Variants in MAD2L1BP observed in about 807,000 individuals in gnomAD.
MAD2L1BP encodes the protein MAD2L1 binding protein.
A neutral mutation model predicts 28.4 loss-of-function variants in MAD2L1BP; 22 were observed. The observed-to-expected ratio is 0.77, with a 90% CI of 0.55 to 1.10. The LOEUF (loss-of-function observed/expected upper bound fraction) is 1.10. Ranked by LOEUF, MAD2L1BP falls within the 50% of genes least tolerant of loss-of-function variation. The pLI, the probability that MAD2L1BP is intolerant of heterozygous loss-of-function variation, is 0.00. For synonymous variants in MAD2L1BP, 146 were observed against 133.7 expected (o/e 1.09, Z -0.63); for missense variants, 325 against 350.5 (o/e 0.93, Z 0.58).
At chr6:43,629,736 C>CA in exon 1 of MAD2L1BP, 1 of 1,552,704 alleles carries the variant, frequency 6.4e-7, no homozygotes, top group Non-Finnish European at 8.7e-7. Flanking sequence ...GCCTCTGCCT[C>CA]AGTTTCTTCC....
Position 43,636,415 on chromosome 6 carries a change from C to A in MAD2L1BP, c.81C>A (p.His27Gln). ...LEWYEKSEET[H>Q]ASQIELLETS... ...GGTATGAGAAGTCCGAAGAAACTCACGCCTCCCAGATAGAACTACTTGAGA... is the reference window on the plus strand; with the variant it reads ...GGTATGAGAAGTCCGAAGAAACTCAAGCCTCCCAGATAGAACTACTTGAGA... The change falls in exon 2 of 3, where the codon CAC becomes CAA. Residue 27 changes from histidine (H) to glutamine (Q), a missense_variant. Transcript: ENST00000372171. 1 of 1,614,132 alleles carries A rather than the reference C, an allele frequency of 6.2e-7. No individual in the cohort carries two copies. The highest frequency in any genetic ancestry group is 1.1e-5 in the South Asian group (1 of 91,088).
rs1770185704 is a variant in MAD2L1BP, at chr6:43,635,904, C to T, written c.29C>T (p.Ser10Phe). The T allele has an allele frequency of 2.0e-6, 3 of 1,497,654 alleles. No homozygotes were observed. The highest frequency in any genetic ancestry group is 1.8e-6 in the Non-Finnish European group (2 of 1,129,658). The allele number at this position is 1,497,654 out of a possible 1,614,324, so 92.8% of individuals were successfully genotyped here. The change falls in exon 1 of 3, where the codon TCC becomes TTC. Residue 10 changes from serine to phenylalanine, a missense_variant. By Grantham distance (155) the Ser-to-Phe change is radical. Coordinates refer to ENST00000372171, the MANE Select transcript of MAD2L1BP (RefSeq NM_014628.3). ...GCGGCGCCGGAGGCGGAGGTTCTGT[C>T]CTCAGCCGCAGTCCCTGGTAAGGCG... The part of the protein sequence containing the change: MAAPEAEVL[S>F]SAAVPDLEWY...
At chr6:43,635,978 C>A in intron 1 of MAD2L1BP, 57 bp downstream of exon 1, 1 of 1,485,470 alleles carries the variant, frequency 6.7e-7, no homozygotes, top group Non-Finnish European at 9.1e-7. Context: ...TTCCCTACCG[C>A]CGCGCCATCC....
intron 2 of MAD2L1BP, 199 bp downstream of exon 2, chr6:43,636,845 C>T (rs1770254261): frequency 3.2e-6 from 2 of 624,174 alleles, no homozygotes; most frequent in Non-Finnish European, 5.5e-6. Context: ...TTCTGAAACT[C>T]ACGTGTTGCA....
Position 43,640,072 on chromosome 6 carries a change from A to G in MAD2L1BP, c.364A>G (p.Arg122Gly). Residue 122 changes from arginine (R) to glycine (G), a missense_variant, in exon 3 of 3, where the codon AGG becomes GGG. Physicochemically the swap from Arg to Gly is moderately radical, Grantham distance 125 (BLOSUM62 -2). Transcript: ENST00000372171. ...TCGGGCCACCACTGAGGTGAGCAGC[A>G]GGAAATGCCAACAAGCCCTGGCAGA... ...KPRATTEVSSRKCQQALAELE... is the reference protein window; with the variant it reads ...KPRATTEVSSGKCQQALAELE... 2 of 1,578,804 alleles carry G rather than the reference A, an allele frequency of 1.3e-6. No individual in the cohort carries two copies. Among genetic ancestry groups the G allele is most frequent in the Non-Finnish European group, 1.7e-6 (2 of 1,158,178 alleles).
At chr6:43,639,419 G>T (rs554057401) in intron 2 of MAD2L1BP, among the ~76,000 whole-genome samples, 66 of 152,224 alleles carry the variant, frequency 4.3e-4, no homozygotes, top group African/African-American at 1.4e-3. Flanking sequence ...GATTACAGGC[G>T]TAAGCCACTG....
chr6:43,636,366 C>T lies in MAD2L1BP; in HGVS notation c.47-15C>T. On this transcript the variant is annotated splice_polypyrimidine_tract_variant and intron_variant, in intron 1 of 2. Transcript: ENST00000372171. ...TTTTTAATTTTTCTCTCTTGTCCCT[C>T]TTTTCATCTACCAGATTTGGAGTGG... The T allele has an allele frequency of 2.5e-6, 4 of 1,612,954 alleles. No homozygotes were observed. Among genetic ancestry groups the T allele is most frequent in the Non-Finnish European group, 3.4e-6 (4 of 1,179,296 alleles).
At chr6:43,629,612 C>G in exon 1 of MAD2L1BP, 1 of 876,460 alleles carries the variant, frequency 1.1e-6, no homozygotes, top group Non-Finnish European at 1.9e-6. Flanking sequence ...ACATCAGAAT[C>G]GAGCTTTGTG....
At chr6:43,634,390 TAA>T (rs1213553980), upstream of MAD2L1BP, among the ~76,000 whole-genome samples, 2 of 151,378 alleles carry the variant, frequency 1.3e-5, no homozygotes, top group African/African-American at 4.8e-5. Context: ...TGGCTAACTT[TAA>T]AAAAAAATTT....
At position 43,640,369 on chromosome 6, in the gene MAD2L1BP, T is replaced by C; in HGVS notation, c.661T>C (p.Cys221Arg). Residue 221 changes from cysteine (C) to arginine (R), a missense_variant, in exon 3 of 3, where the codon TGT becomes CGT. Coordinates refer to ENST00000372171, the MANE Select transcript of MAD2L1BP (RefSeq NM_014628.3). ...TVVMAQGHRN[C>R]GEDWFRPKLN... ...CGTCATGGCACAGGGACACCGCAACTGTGGAGAAGATTGGTTTCGACCCAA... is the reference window on the plus strand; with the variant it reads ...CGTCATGGCACAGGGACACCGCAACCGTGGAGAAGATTGGTTTCGACCCAA... 6.2e-7 allele frequency: 1 copy of C among 1,613,930 alleles called. No homozygotes were observed. The highest frequency in any genetic ancestry group is 8.5e-7 in the Non-Finnish European group (1 of 1,179,990).
chr6:43,635,836 C>A (rs1306122003), upstream of MAD2L1BP: 3 of 1,461,032 alleles, frequency 2.1e-6, no homozygotes, highest in Non-Finnish European at 2.7e-6. Flanking sequence ...CCCGCGAGAC[C>A]TTTATTCTAA....
rs1333664242 is a variant in MAD2L1BP, at chr6:43,640,521, CT to C, written c.815del (p.Phe272SerfsTer5). 1 of 1,582,572 alleles carries C rather than the reference CT, an allele frequency of 6.3e-7. No homozygotes were observed. Among genetic ancestry groups the C allele is most frequent in the South Asian group, 1.1e-5 (1 of 87,216 alleles). Reference sequence around the variant, plus strand: ...TCCAGGCACCAGTGACATTTAAAGGCTTCCGCGAGTGAATGAGTGCTTCTTA... The same window carrying C: ...TCCAGGCACCAGTGACATTTAAAGGCTCCGCGAGTGAATGAGTGCTTCTTA... ...WFQAPVTFKG[F>X]RE On this transcript the variant is annotated frameshift_variant, in exon 3 of 3. Coordinates refer to ENST00000372171, the MANE Select transcript of MAD2L1BP (RefSeq NM_014628.3). LOFTEE classifies it high-confidence loss of function.
chr6:43,636,723 T>C, intron 2 of MAD2L1BP, 77 bp downstream of exon 2: 1 of 1,515,330 alleles, frequency 6.6e-7, no homozygotes, highest in Non-Finnish European at 9.0e-7. Context: ...AAAGGGGGTC[T>C]AAGAAATCTT....
chr6:43,638,578 C>T (rs1304486564), intron 2 of MAD2L1BP, among the ~76,000 whole-genome samples: 7 of 151,368 alleles, frequency 4.6e-5, no homozygotes, highest in African/African-American at 9.7e-5. Context: ...AGGCGAATCA[C>T]GAGGTCAGGA....
intron 2 of MAD2L1BP, among the ~76,000 whole-genome samples, chr6:43,637,896 G>T (rs1031312457): frequency 6.7e-6 from 1 of 149,402 alleles, no homozygotes; most frequent in African/African-American, 2.5e-5. Flanking sequence ...ACCGTGCTCC[G>T]CCTGTTTGTT....
Position 43,640,372 on chromosome 6 carries a change from G to A in MAD2L1BP, c.664G>A (p.Gly222Arg). Residue 222 changes from glycine (G) to arginine (R), a missense_variant, in exon 3 of 3, where the codon GGA becomes AGA. Transcript: ENST00000372171. ...VVMAQGHRNC[G>R]EDWFRPKLNY... Reference sequence around the variant, plus strand: ...CATGGCACAGGGACACCGCAACTGTGGAGAAGATTGGTTTCGACCCAAGCT... The same window carrying A: ...CATGGCACAGGGACACCGCAACTGTAGAGAAGATTGGTTTCGACCCAAGCT... The A allele has an allele frequency of 6.2e-7, 1 of 1,613,988 alleles. No individual in the cohort carries two copies. The highest frequency in any genetic ancestry group is 8.5e-7 in the Non-Finnish European group (1 of 1,180,004).
chr6:43,635,589 A>AATAG (rs1770155263), upstream of MAD2L1BP, among the ~76,000 whole-genome samples: 1 of 152,242 alleles, frequency 6.6e-6, no homozygotes, highest in African/African-American at 2.4e-5. Context: ...GTGAGTAGTG[A>AATAG]ATGCTGGAGT....
Position 43,640,063 on chromosome 6 carries a change from G to A in MAD2L1BP, c.355G>A (p.Val119Met). The change falls in exon 3 of 3, where the codon GTG becomes ATG. Residue 119 changes from valine (V) to methionine (M), a missense_variant. Physicochemically the swap from Val to Met is conservative, Grantham distance 21. Coordinates refer to ENST00000372171, the MANE Select transcript of MAD2L1BP (RefSeq NM_014628.3). Reference sequence around the variant, plus strand: ...GAAGAAACCTCGGGCCACCACTGAGGTGAGCAGCAGGAAATGCCAACAAGC... The same window carrying A: ...GAAGAAACCTCGGGCCACCACTGAGATGAGCAGCAGGAAATGCCAACAAGC... ...LKKKPRATTEVSSRKCQQALA... is the reference protein window; with the variant it reads ...LKKKPRATTEMSSRKCQQALA... The A allele has an allele frequency of 6.4e-7, 1 of 1,570,722 alleles. No homozygotes were observed. The highest frequency in any genetic ancestry group is 1.8e-5 in the Admixed American group (1 of 56,438).
At chr6:43,629,800 G>A (rs1582358782) in intron 1 of MAD2L1BP, 5 of 1,560,696 alleles carry the variant, frequency 3.2e-6, no homozygotes, top group Non-Finnish European at 4.3e-6. Flanking sequence ...GGGCGGAGGC[G>A]GATGGTGATT....
Sources: allele counts gnomAD v4.1 joint callset (sites outside exome capture counted in the v4.1 genomes callset), GRCh38; gene constraint gnomAD v4.1.1; transcripts MANE v1.5; gene names NCBI Gene and HGNC (gene_info 2026-07-23, HGNC 2026-07-21).